The following MAF variants were observed in gnomAD, a reference collection of about 807,000 sequenced individuals.
MAF encodes the protein MAF bZIP transcription factor.
In MAF, 10 loss-of-function variants were observed where a neutral mutation model predicts 22.0. The observed-to-expected ratio is 0.45, with a 90% CI of 0.28 to 0.77. MAF has a LOEUF of 0.77. Among genes scored for constraint, MAF ranks in the 30% least tolerant of loss-of-function variants. MAF has a pLI of 0.12. For missense variants in MAF, 544 were observed against 548.4 expected, an observed-to-expected ratio of 0.99 and a Z score of 0.08; for synonymous variants, 337 against 255.8, an observed-to-expected ratio of 1.32 and a Z score of -3.03.
the MAF span, among the ~76,000 whole-genome samples, chr16:79,243,593 A>T: frequency 6.6e-6 from 1 of 152,020 alleles, no homozygotes; most frequent in African/African-American, 2.4e-5. Context: ...CAACGAAAAA[A>T]AGTCTAGGAC....
the MAF span, among the ~76,000 whole-genome samples, chr16:79,444,246 T>G: frequency 6.6e-6 from 1 of 152,156 alleles, no homozygotes; most frequent in African/African-American, 2.4e-5. Flanking sequence ...ACAGGATTTA[T>G]AGCAAAATAA....
At chr16:79,317,030 A>T in the MAF span, among the ~76,000 whole-genome samples, 1 of 152,206 alleles carries the variant, frequency 6.6e-6, no homozygotes, top group Admixed American at 6.5e-5. Context: ...CAAGTAAGAG[A>T]TGGAGCCAAG....
chr16:79,597,762 G>A, intron 1 of MAF: 1 of 1,018,678 alleles, frequency 9.8e-7, no homozygotes, highest in African/African-American at 1.7e-5. Context: ...GAAAAAAAAA[G>A]GAAAAAATAA....
chr16:79,390,828 C>G, the MAF span, among the ~76,000 whole-genome samples: 1 of 152,122 alleles, frequency 6.6e-6, no homozygotes, highest in Non-Finnish European at 1.5e-5. Context: ...TGGAGCATGC[C>G]GCCGTGGGGT....
the MAF span, among the ~76,000 whole-genome samples, chr16:79,219,364 C>T: frequency 6.6e-6 from 1 of 151,992 alleles, no homozygotes; most frequent in Non-Finnish European, 1.5e-5. Flanking sequence ...GAAATTCTGT[C>T]TTTGTTCATT....
chr16:79,429,485 G>C, the MAF span, among the ~76,000 whole-genome samples: 1 of 152,164 alleles, frequency 6.6e-6, no homozygotes, highest in Non-Finnish European at 1.5e-5. Flanking sequence ...ACAAGATTAA[G>C]CAATTTGCTT....
chr16:79,431,868 G>A, the MAF span, among the ~76,000 whole-genome samples: 1 of 152,182 alleles, frequency 6.6e-6, no homozygotes, highest in African/African-American at 2.4e-5. Context: ...TGTTTCCTTA[G>A]CAAGTGTTAC....
the MAF span, among the ~76,000 whole-genome samples, chr16:79,361,711 G>T: frequency 9.7e-6 from 1 of 102,754 alleles, no homozygotes; most frequent in Non-Finnish European, 2.6e-5. Flanking sequence ...TTTATATACA[G>T]ATTTGGTGGT....
At chr16:79,366,357 G>C in the MAF span, among the ~76,000 whole-genome samples, 10 of 152,276 alleles carry the variant, frequency 6.6e-5, no homozygotes, top group Admixed American at 6.5e-5. Context: ...TAAAAATGTA[G>C]GTGAGATTGC....
the MAF span, among the ~76,000 whole-genome samples, chr16:79,267,310 T>C: frequency 6.6e-6 from 1 of 152,184 alleles, no homozygotes; most frequent in African/African-American, 2.4e-5. Context: ...CAGTTAGATC[T>C]GCCAGCCTGG....
the MAF span, among the ~76,000 whole-genome samples, chr16:79,327,981 C>A: frequency 6.6e-6 from 1 of 152,188 alleles, no homozygotes; most frequent in South Asian, 2.1e-4. Context: ...TGCATGATAA[C>A]CTGAACAAAC....
the MAF span, among the ~76,000 whole-genome samples, chr16:79,324,865 G>T: frequency 6.6e-6 from 1 of 152,010 alleles, no homozygotes; most frequent in African/African-American, 2.4e-5. Context: ...CTTAAGCAAG[G>T]TGTCAGCAGG....
At chr16:79,341,682 A>T in the MAF span, among the ~76,000 whole-genome samples, 1 of 152,150 alleles carries the variant, frequency 6.6e-6, no homozygotes, top group Admixed American at 6.5e-5. Flanking sequence ...CTTTATTTAC[A>T]TTTTAACAAT....
chr16:79,294,893 C>T, the MAF span, among the ~76,000 whole-genome samples: 2 of 152,270 alleles, frequency 1.3e-5, no homozygotes, highest in East Asian at 3.9e-4. Context: ...AGCTGGCATT[C>T]CAGACATGGA....
At chr16:79,304,384 C>T in the MAF span, among the ~76,000 whole-genome samples, 38 of 152,278 alleles carry the variant, frequency 2.5e-4, no homozygotes, top group African/African-American at 9.1e-4. Context: ...TGTGTAATAA[C>T]AGGCAGAAAG....
the MAF span, among the ~76,000 whole-genome samples, chr16:79,386,802 G>C: frequency 6.6e-6 from 1 of 152,080 alleles, no homozygotes; most frequent in Non-Finnish European, 1.5e-5. Flanking sequence ...GCCATCCTTA[G>C]AGCCAAAAGA....
downstream of MAF, among the ~76,000 whole-genome samples, chr16:79,583,171 A>G (rs1912629784): frequency 6.6e-6 from 1 of 152,228 alleles, no homozygotes; most frequent in Non-Finnish European, 1.5e-5. Context: ...ATTACGGGCA[A>G]CACAGAAGGA....
the MAF span, among the ~76,000 whole-genome samples, chr16:79,549,375 G>T: frequency 6.6e-6 from 1 of 152,188 alleles, no homozygotes; most frequent in Admixed American, 6.5e-5. Context: ...ACTCCAGGCT[G>T]GGATAGAACA....
the MAF span, among the ~76,000 whole-genome samples, chr16:79,385,155 G>A: frequency 6.6e-6 from 1 of 152,162 alleles, no homozygotes; most frequent in African/African-American, 2.4e-5. Flanking sequence ...AACATACTGA[G>A]ATGAAATAAT....
Sources: allele counts gnomAD v4.1 joint callset (sites outside exome capture counted in the v4.1 genomes callset), GRCh38; gene constraint gnomAD v4.1.1; transcripts MANE v1.5; gene names NCBI Gene and HGNC (gene_info 2026-07-23, HGNC 2026-07-21).